The following SRGAP3 variants were observed in gnomAD, a reference collection of about 807,000 sequenced individuals.
SRGAP3 encodes SLIT-ROBO Rho GTPase-activating protein 3.
Under a neutral mutation model 121.1 loss-of-function variants are expected in SRGAP3, and 39 were observed. That is an observed-to-expected ratio of 0.32 (90% CI 0.25 to 0.42). The LOEUF is 0.42. SRGAP3 is among the 10% of genes least tolerant of loss of function. The probability of loss-of-function intolerance (pLI) is 1.00; values close to 1 mark genes in which losing one functional copy is unlikely to be tolerated. For missense variants in SRGAP3, 1,213 were observed against 1,470.6 expected, an observed-to-expected ratio of 0.82 and a Z score of 2.86; for synonymous variants, 601 against 570.0, an observed-to-expected ratio of 1.05 and a Z score of -0.77.
intron 18 of SRGAP3, chr3:9,008,406 T>G (rs143519516): frequency 2.9e-4 from 44 of 151,900 alleles, no homozygotes; most frequent in African/African-American, 9.9e-4. Context: ...AGGCAGGTGC[T>G]TCGGTCAAGA....
chr3:9,072,609 C>T (rs1359355508), intron 4 of SRGAP3, among the ~76,000 whole-genome samples: 1 of 152,220 alleles, frequency 6.6e-6, no homozygotes, highest in Non-Finnish European at 1.5e-5. Context: ...CCCTGGTCTC[C>T]CTTCCAGGGC....
intron 3 of SRGAP3, chr3:9,293,262 C>T (rs1574977919): frequency 6.6e-6 from 1 of 152,166 alleles, no homozygotes; most frequent in Admixed American, 6.5e-5. Context: ...TGAAAATATC[C>T]ACTTGCCTGG....
chr3:9,210,679 A>G (rs567940089), intron 1 of SRGAP3, among the ~76,000 whole-genome samples: 2 of 148,860 alleles, frequency 1.3e-5, no homozygotes, highest in East Asian at 2.0e-4. Flanking sequence ...ACAAAAAATA[A>G]ATTAGCCAGG....
intron 1 of SRGAP3, among the ~76,000 whole-genome samples, chr3:9,185,126 A>G (rs529609310): frequency 6.6e-6 from 1 of 152,302 alleles, no homozygotes; most frequent in African/African-American, 2.4e-5. Context: ...ATGATTCCCA[A>G]GGGTCATAGG....
In SRGAP3 at chr3:9,001,122, T is replaced by C. The variant is rs562765755; in HGVS notation, c.2228-6599A>G. Among the ~76,000 whole-genome samples, 3 of 152,324 alleles carry C rather than the reference T, an allele frequency of 2.0e-5. No homozygotes were observed. The South Asian group carries it at 6.2e-4, about 32-fold the overall frequency. ...ATATGGGGAGCAATTGCTCAACAGG[T>C]ACAATGTTAGAGTTAGTTAGGATAA... On this transcript the variant is annotated intron_variant, in intron 18 of 21. Coordinates refer to ENST00000383836, the MANE Select transcript of SRGAP3 (RefSeq NM_014850.4).
chr3:9,251,426 G>C (rs1040377151), upstream of SRGAP3, among the ~76,000 whole-genome samples: 1 of 152,126 alleles, frequency 6.6e-6, no homozygotes, highest in Non-Finnish European at 1.5e-5. Context: ...AAAGCCCCAC[G>C]TTACCTGAGA....
rs191867330 is a variant in SRGAP3, at chr3:9,303,613, G to C, written n.442+22397C>G. Among the ~76,000 whole-genome samples the C allele has an allele frequency of 3.9e-5, 6 of 152,184 alleles. No homozygotes were observed. The East Asian group carries it at 1.2e-3, about 29-fold the overall frequency. The stretch of plus-strand genomic sequence containing the variant: ...TTTTTGAGTGTTTGTGATGTGATAA[G>C]CCTTGTTCTAAGCATTTTATTTATA... On this transcript the variant is annotated intron_variant and non_coding_transcript_variant, in intron 3 of 3. Transcript: ENST00000490889.
At chr3:9,010,272 G>C in intron 18 of SRGAP3, 36 bp downstream of exon 18, 1 of 1,612,818 alleles carries the variant, frequency 6.2e-7, no homozygotes, top group African/African-American at 1.3e-5. Flanking sequence ...GAGGCCCCAG[G>C]AAGAATCCCT....
chr3:9,133,339 C>G (rs1045486344), intron 1 of SRGAP3, among the ~76,000 whole-genome samples: 1 of 152,072 alleles, frequency 6.6e-6, no homozygotes, highest in Non-Finnish European at 1.5e-5. Flanking sequence ...AAAAACTTAT[C>G]TGGGCATGGT....
At chr3:9,033,008 T>C (rs1457637314) in intron 11 of SRGAP3, among the ~76,000 whole-genome samples, 1 of 152,136 alleles carries the variant, frequency 6.6e-6, no homozygotes. Flanking sequence ...AGGGGGAATA[T>C]AGTACATGTG....
intron 9 of SRGAP3, 108 bp from the exon 10 acceptor site, chr3:9,047,583 A>C: frequency 9.9e-7 from 1 of 1,009,498 alleles, no homozygotes. Flanking sequence ...AGATCACGTC[A>C]CCCGCAGGGA....
chr3:9,058,410 T>C lies in SRGAP3; in HGVS notation c.864A>G (p.Glu288=). The C allele has an allele frequency of 6.2e-7, 1 of 1,614,216 alleles. No individual in the cohort carries two copies. The highest frequency in any genetic ancestry group is 1.1e-5 in the South Asian group (1 of 91,082). ...ARTFRTYLSA[E]YNLETSRHEG... is the part of the protein sequence containing the mutation. ...CGTGGCGAGAGGTCTCCAGGTTGTA[T>C]TCAGCTGAGAGATAGGTCCGGAAGG... The change falls in exon 7 of 22, where the codon GAA becomes GAG. Residue 288 remains glutamate, a synonymous_variant. Transcript: ENST00000383836.
chr3:8,993,282 A>C (rs984293206), intron 19 of SRGAP3, among the ~76,000 whole-genome samples: 1 of 151,764 alleles, frequency 6.6e-6, no homozygotes, highest in African/African-American at 2.4e-5. Flanking sequence ...TCCCACACCT[A>C]CCTCCTCCTT....
intron 18 of SRGAP3, among the ~76,000 whole-genome samples, chr3:9,003,839 C>G (rs9835028): frequency 0.063 from 9,589 of 152,168 alleles, 996 homozygotes; most frequent in African/African-American, 0.22. Flanking sequence ...AAGATCAGGA[C>G]TTAGACAAGG....
chr3:9,299,147 G>A (rs1364632076), intron 3 of SRGAP3, among the ~76,000 whole-genome samples: 1 of 151,090 alleles, frequency 6.6e-6, no homozygotes, highest in East Asian at 1.9e-4. Context: ...TGGATCACGA[G>A]GTCAGGAGAT....
chr3:9,100,178 A>G (rs1948161725), intron 3 of SRGAP3, among the ~76,000 whole-genome samples: 1 of 152,244 alleles, frequency 6.6e-6, no homozygotes, highest in Non-Finnish European at 1.5e-5. Context: ...TCAGTTGTGC[A>G]CTGCCATTTT....
At chr3:9,289,877 G>A (rs896066999) in intron 3 of SRGAP3, among the ~76,000 whole-genome samples, 1 of 152,150 alleles carries the variant, frequency 6.6e-6, no homozygotes, top group Admixed American at 6.5e-5. Flanking sequence ...GGAGGCTGAG[G>A]CAGGCAGATC....
At chr3:9,111,842 A>C (rs560916950) in intron 2 of SRGAP3, among the ~76,000 whole-genome samples, 1 of 152,326 alleles carries the variant, frequency 6.6e-6, no homozygotes, top group South Asian at 2.1e-4. Context: ...CCGCTTCTCC[A>C]ATCTTTCATG....
chr3:9,153,774 C>T (rs1575154431), intron 1 of SRGAP3, among the ~76,000 whole-genome samples: 1 of 152,106 alleles, frequency 6.6e-6, no homozygotes, highest in East Asian at 1.9e-4. Context: ...ATACATTATA[C>T]ATATACATAT....
Sources: allele counts gnomAD v4.1 joint callset (sites outside exome capture counted in the v4.1 genomes callset), GRCh38; gene constraint gnomAD v4.1.1; transcripts MANE v1.5; gene names NCBI Gene and HGNC (gene_info 2026-07-23, HGNC 2026-07-21).